AXL: variants seen among roughly 807,000 people sequenced by gnomAD.
The protein encoded by AXL is tyrosine-protein kinase receptor UFO.
In AXL, 52 loss-of-function variants were observed where a neutral mutation model predicts 104.5. The observed-to-expected ratio is 0.50, with a 90% CI of 0.40 to 0.63. The LOEUF is 0.63. AXL is among the 20% of genes least tolerant of loss of function. The probability of loss-of-function intolerance (pLI) is 0.00; values close to 1 mark genes in which losing one functional copy is unlikely to be tolerated. For synonymous variants in AXL, 455 were observed against 473.7 expected, an observed-to-expected ratio of 0.96 and a Z score of 0.51; for missense variants, 1,024 against 1,188.5, an observed-to-expected ratio of 0.86 and a Z score of 2.04.
rs2122280357 is a variant in AXL, at chr19:41,253,681, A to G, written c.2009A>G (p.His670Arg). 1.2e-6 allele frequency: 2 copies of G among 1,609,646 alleles called. No individual in the cohort carries two copies. Among genetic ancestry groups the G allele is most frequent in the Non-Finnish European group, 1.7e-6 (2 of 1,178,510 alleles). The change falls in exon 17 of 20, where the codon CAC becomes CGC. Residue 670 changes from histidine (H) to arginine (R), a missense_variant. His to Arg is a conservative substitution (Grantham distance 29, BLOSUM62 0). Coordinates refer to ENST00000301178, the MANE Select transcript of AXL (RefSeq NM_021913.5). ...TATCTGAGTACCAAGAGATTCATAC[A>G]CCGGGACCTGGCGGCCAGGAACTGC... is the stretch of plus-strand genomic sequence containing the variant. Reference protein sequence around the residue: ...MEYLSTKRFIHRDLAARNCML... With the variant: ...MEYLSTKRFIRRDLAARNCML...
At chr19:41,219,563 G>A in intron 1 of AXL, 86 bp downstream of exon 1, 1 of 1,467,830 alleles carries the variant, frequency 6.8e-7, no homozygotes, top group Non-Finnish European at 9.3e-7. Flanking sequence ...GCAGGTGTGG[G>A]GGGCCTGGGC....
At position 41,259,938 on chromosome 19, in the gene AXL, C is replaced by T. The variant is rs1346248618; in HGVS notation, c.*34C>T. 1.3e-5 allele frequency: 19 copies of T among 1,503,862 alleles called. No homozygotes were observed. The highest frequency in any genetic ancestry group is 2.2e-5 in the Admixed American group (1 of 45,342). The allele number at this position is 1,503,862 out of a possible 1,614,324, so 93.2% of individuals were successfully genotyped here. On this transcript the variant is annotated 3_prime_UTR_variant, in exon 20 of 20. Transcript: ENST00000301178. ...TCCACCTGGTACTCCCTCTCAGGATCCAAGCTAAGCACTGCCACTGGGGAA... is the reference window on the plus strand; with the variant it reads ...TCCACCTGGTACTCCCTCTCAGGATTCAAGCTAAGCACTGCCACTGGGGAA...
At chr19:41,226,229 G>A (rs1400091518) in intron 4 of AXL, among the ~76,000 whole-genome samples, 2 of 152,154 alleles carry the variant, frequency 1.3e-5, no homozygotes, top group African/African-American at 4.8e-5. Context: ...GGTCGGAACG[G>A]GACCCGGCTC....
intron 18 of AXL, among the ~76,000 whole-genome samples, chr19:41,257,115 C>T (rs2034465258): frequency 6.6e-6 from 1 of 152,140 alleles, no homozygotes; most frequent in South Asian, 2.1e-4. Context: ...ATGATCTCAG[C>T]TCACTGCAGA....
Position 41,256,492 on chromosome 19 carries a change from C to A in AXL, c.2077C>A (p.Leu693Ile), listed in dbSNP as rs1437243319. 1.2e-6 allele frequency: 2 copies of A among 1,614,084 alleles called. No individual in the cohort carries two copies. The highest frequency in any genetic ancestry group is 1.1e-5 in the South Asian group (1 of 91,082). ...GTCCGTGTGTGTGGCGGACTTCGGGCTCTCCAAGAAGATCTACAATGGGGA... is the reference window on the plus strand; with the variant it reads ...GTCCGTGTGTGTGGCGGACTTCGGGATCTCCAAGAAGATCTACAATGGGGA... ...NMSVCVADFG[L>I]SKKIYNGDYY... Residue 693 changes from leucine to isoleucine, a missense_variant, in exon 18 of 20, where the codon CTC (leucine) becomes ATC (isoleucine). By Grantham distance (5) the Leu-to-Ile change is conservative (BLOSUM62 2). This residue lies in a region of AXL where 523 missense variants were observed against 636.0 expected (regional missense o/e 0.82). Transcript: ENST00000301178.
chr19:41,222,066 G>T lies in AXL; in HGVS notation c.586+10G>T. 6.5e-7 allele frequency: 1 copy of T among 1,538,350 alleles called. No individual in the cohort carries two copies. Among genetic ancestry groups the T allele is most frequent in the East Asian group, 2.3e-5 (1 of 43,096 alleles). On this transcript the variant is annotated intron_variant, in intron 4 of 19. Transcript: ENST00000301178. ...AGCCTGCATGTTCCAGGTGAGTCCGGGGATGTGGGTCAGCTCCGAATAGGG... is the reference window on the plus strand; with the variant it reads ...AGCCTGCATGTTCCAGGTGAGTCCGTGGATGTGGGTCAGCTCCGAATAGGG...
chr19:41,223,399 A>G (rs144234562), intron 4 of AXL, among the ~76,000 whole-genome samples: 1,773 of 152,314 alleles, frequency 0.012, 16 homozygotes, highest in Middle Eastern at 0.034. Flanking sequence ...CAGACGAGGA[A>G]GGACCGAGCT....
chr19:41,225,318 G>T (rs1472975193), intron 4 of AXL, among the ~76,000 whole-genome samples: 1 of 152,298 alleles, frequency 6.6e-6, no homozygotes, highest in African/African-American at 2.4e-5. Flanking sequence ...ATGTGTTTTT[G>T]TATCAGTCTG....
At chr19:41,245,727 A>G (rs1368358272) in intron 12 of AXL, among the ~76,000 whole-genome samples, 1 of 151,972 alleles carries the variant, frequency 6.6e-6, no homozygotes, top group African/African-American at 2.4e-5. Context: ...AAAAAAAAAA[A>G]AAAAAAGGAA....
intron 17 of AXL, among the ~76,000 whole-genome samples, chr19:41,254,032 G>C (rs1042955890): frequency 1.3e-5 from 2 of 151,870 alleles, no homozygotes; most frequent in Non-Finnish European, 2.9e-5. Flanking sequence ...CTCCATGCTG[G>C]GTGTCTTGCC....
intron 16 of AXL, among the ~76,000 whole-genome samples, chr19:41,253,308 G>A (rs1038646397): frequency 2.6e-5 from 4 of 152,104 alleles, no homozygotes; most frequent in African/African-American, 9.7e-5. Flanking sequence ...CCAACAGAGC[G>A]CACAGCATAG....
intron 12 of AXL, among the ~76,000 whole-genome samples, chr19:41,244,365 A>C (rs1241930209): frequency 2.0e-5 from 3 of 152,142 alleles, no homozygotes; most frequent in Non-Finnish European, 4.4e-5. Context: ...GATGTGATAA[A>C]AATCACAGGC....
chr19:41,238,452 C>G lies in AXL; in HGVS notation c.995-18C>G, dbSNP rs2034121996. The G allele has an allele frequency of 6.2e-7, 1 of 1,601,748 alleles. No individual in the cohort carries two copies. Among genetic ancestry groups the G allele is most frequent in the South Asian group, 1.1e-5 (1 of 90,628 alleles). ...GAAGAGGTGGGGGTGCCAGCTTCCC[C>G]TCTTCCCTGTCCTCCAGTGCCCCTG... On this transcript the variant is annotated intron_variant, in intron 7 of 19. Coordinates refer to ENST00000301178, the MANE Select transcript of AXL (RefSeq NM_021913.5).
In AXL at chr19:41,220,242, CTCCCCCCACCACCACCCTTA is replaced by C. The variant is rs1568406834; in HGVS notation, c.86-391_86-372del. ...CTTCTCCCTCCGCCACCACCCTTATCTCCCCCCACCACCACCCTTATCTCTCTCCCCCAACCCCTGATTCT... is the reference window on the plus strand; with the variant it reads ...CTTCTCCCTCCGCCACCACCCTTATCTCTCTCTCCCCCAACCCCTGATTCT... On this transcript the variant is annotated intron_variant, in intron 1 of 19. Transcript: ENST00000301178. 9.3e-4 allele frequency among the ~76,000 whole-genome samples: 97 copies of C among 104,150 alleles called. No individual in the cohort carries two copies. In the South Asian group the frequency reaches 0.012, roughly 12 times the overall value. 68.3% of individuals were successfully genotyped at this position (104,150 alleles called of 152,430 possible).
chr19:41,242,583 GCCTCCCAAA>G (rs2034202426), intron 10 of AXL, among the ~76,000 whole-genome samples: 2 of 152,020 alleles, frequency 1.3e-5, no homozygotes, highest in Admixed American at 6.6e-5. Context: ...ACCCGCCTTG[GCCTCCCAAA>G]GTGCTGGGAT....
Position 41,260,987 on chromosome 19 carries a change from T to C in AXL, c.*1083T>C, listed in dbSNP as rs937153397. The C allele has an allele frequency of 6.6e-6, 1 of 152,216 alleles. No individual in the cohort carries two copies. Among genetic ancestry groups the C allele is most frequent in the Non-Finnish European group, 1.5e-5 (1 of 68,038 alleles). 9.4% of individuals were successfully genotyped at this position (152,216 alleles called of 1,614,324 possible). A position where few individuals can be genotyped will look rare whatever the true frequency, so the allele number is the denominator to read the frequency against. ...TATAGTTTCTGAGGCTTTATGATAATAGATTCTCTTGTATAAGATCCTAGA... is the reference window on the plus strand; with the variant it reads ...TATAGTTTCTGAGGCTTTATGATAACAGATTCTCTTGTATAAGATCCTAGA... On this transcript the variant is annotated 3_prime_UTR_variant, in exon 20 of 20. Transcript: ENST00000301178.
In AXL at chr19:41,231,235, G is replaced by A. The variant is rs2122219847; in HGVS notation, c.720G>A (p.Glu240=). ...NLHLVSRQPT[E]LEVAWTPGLS... ...ACCTGGTCTCCCGCCAACCCACGGA[G>A]CTGGAGGTGGCTTGGACTCCAGGCC... The change falls in exon 6 of 20, where the codon GAG becomes GAA. Residue 240 remains glutamate, a synonymous_variant. Transcript: ENST00000301178. The A allele has an allele frequency of 6.2e-7, 1 of 1,613,854 alleles. No homozygotes were observed. Among genetic ancestry groups the A allele is most frequent in the Non-Finnish European group, 8.5e-7 (1 of 1,179,856 alleles).
At chr19:41,230,296 A>G (rs1182497296) in intron 4 of AXL, among the ~76,000 whole-genome samples, 4 of 132,566 alleles carry the variant, frequency 3.0e-5, no homozygotes, top group Admixed American at 1.5e-4. Flanking sequence ...GTGTATGAGT[A>G]TGTATCTCTC....
intron 4 of AXL, among the ~76,000 whole-genome samples, chr19:41,224,503 C>T (rs1289882354): frequency 6.6e-6 from 1 of 152,048 alleles, no homozygotes; most frequent in Non-Finnish European, 1.5e-5. Flanking sequence ...ACCCTCCCAC[C>T]CCTCAAGCAG....
Sources: allele counts gnomAD v4.1 joint callset (sites outside exome capture counted in the v4.1 genomes callset), GRCh38; gene constraint gnomAD v4.1.1; regional missense constraint gnomAD v4.1.1; transcripts MANE v1.5; gene names NCBI Gene and HGNC (gene_info 2026-07-23, HGNC 2026-07-21).